The following PHKB variants were observed in gnomAD, a reference collection of about 807,000 sequenced individuals.
PHKB encodes the protein phosphorylase kinase regulatory subunit beta, also known as phosphorylase b kinase regulatory subunit beta.
Under a neutral mutation model 152.1 loss-of-function variants are expected in PHKB, and 122 were observed. That is an observed-to-expected ratio of 0.80 (90% CI 0.69 to 0.93). PHKB has a LOEUF of 0.93. Ranked by LOEUF, PHKB falls within the 40% of genes least tolerant of loss-of-function variation. PHKB has a pLI of 0.00. For synonymous variants in PHKB, 436 were observed against 464.9 expected (o/e 0.94, Z 0.80); for missense variants, 1,304 against 1,328.4 (o/e 0.98, Z 0.29).
chr16:47,640,850 A>G (rs1436417851), intron 14 of PHKB, among the ~76,000 whole-genome samples, 185 bp from the exon 15 acceptor site: 1 of 152,208 alleles, frequency 6.6e-6, no homozygotes, highest in Non-Finnish European at 1.5e-5. Context: ...TACTCTGTCT[A>G]TATCATCAAA....
In PHKB at chr16:47,566,525, C is replaced by G. The variant is rs1971570009; in HGVS notation, c.711-13770C>G. 18 of 1,602,830 alleles carry G rather than the reference C, an allele frequency of 1.1e-5. No individual in the cohort carries two copies. The Admixed American group carries it at 2.8e-4, about 25-fold the overall frequency. ...GATTGCTGGGTTCACGTGGTAAAAG[C>G]ACTGCACTGATATTTAGTCCTCTAA... On this transcript the variant is annotated intron_variant, in intron 7 of 30. Transcript: ENST00000323584.
intron 26 of PHKB, among the ~76,000 whole-genome samples, chr16:47,669,624 C>T (rs925566559): frequency 3.3e-5 from 5 of 152,092 alleles, no homozygotes; most frequent in African/African-American, 9.7e-5. Context: ...ATTTCACACC[C>T]GAGTTAGACA....
intron 6 of PHKB, among the ~76,000 whole-genome samples, chr16:47,536,022 G>T (rs918558812): frequency 6.6e-6 from 1 of 152,156 alleles, no homozygotes; most frequent in Non-Finnish European, 1.5e-5. Flanking sequence ...ATAATACACA[G>T]AATACCCTGA....
chr16:47,481,449 T>G (rs1292448177), intron 1 of PHKB, among the ~76,000 whole-genome samples: 1 of 152,222 alleles, frequency 6.6e-6, no homozygotes, highest in Non-Finnish European at 1.5e-5. Context: ...TAACTTCACA[T>G]TATTTCACTT....
At chr16:47,666,758 A>G (rs980266555) in intron 25 of PHKB, among the ~76,000 whole-genome samples, 4 of 152,292 alleles carry the variant, frequency 2.6e-5, no homozygotes, top group Non-Finnish European at 1.5e-5. Context: ...GCACTTGGTG[A>G]ATGTTGGTTG....
intron 16 of PHKB, among the ~76,000 whole-genome samples, chr16:47,646,713 G>A (rs979865399): frequency 6.6e-6 from 1 of 151,948 alleles, no homozygotes; most frequent in African/African-American, 2.4e-5. Context: ...GGCAAGGCCT[G>A]TACACAGTTA....
intron 14 of PHKB, among the ~76,000 whole-genome samples, chr16:47,632,188 A>G (rs1387995865): frequency 6.6e-6 from 1 of 152,196 alleles, no homozygotes; most frequent in African/African-American, 2.4e-5. Context: ...AGTGGTAGCA[A>G]TGCCTCTGAA....
At chr16:47,626,953 G>A (rs934042448) in intron 14 of PHKB, among the ~76,000 whole-genome samples, 1 of 152,090 alleles carries the variant, frequency 6.6e-6, no homozygotes, top group South Asian at 2.1e-4. Context: ...ACAAGCATCC[G>A]AAGGAGAAAA....
chr16:47,461,907 G>T (rs372333338), intron 1 of PHKB, among the ~76,000 whole-genome samples: 2 of 152,316 alleles, frequency 1.3e-5, no homozygotes, highest in African/African-American at 4.8e-5. Context: ...TTCCCCACAG[G>T]TTCTAAGCAG....
chr16:47,493,968 C>T (rs140909427), intron 1 of PHKB, among the ~76,000 whole-genome samples: 18 of 152,290 alleles, frequency 1.2e-4, no homozygotes, highest in African/African-American at 3.4e-4. Flanking sequence ...TTTTATAGAG[C>T]TTCACTTCCA....
intron 12 of PHKB, among the ~76,000 whole-genome samples, chr16:47,595,381 T>A (rs1350657376): frequency 6.6e-6 from 1 of 152,196 alleles, no homozygotes; most frequent in Non-Finnish European, 1.5e-5. Context: ...AAGTTTACTG[T>A]GGGCTAATAT....
In PHKB at chr16:47,515,545, CT is replaced by C; in HGVS notation, c.541del (p.Tyr181ThrfsTer5). The C allele has an allele frequency of 1.3e-6, 2 of 1,496,242 alleles. No homozygotes were observed. Among genetic ancestry groups the C allele is most frequent in the South Asian group, 1.1e-5 (1 of 88,592 alleles). 92.7% of individuals were successfully genotyped at this position (1,496,242 alleles called of 1,614,324 possible). ...GATAAATGCAGTGTCACTTTATCTC[CT>C]TTACCTTGTGGAAATGATTTCCTCA... ...LQINAVSLYL[L>X]YLVEMISSGL... On this transcript the variant is annotated frameshift_variant, in exon 6 of 31. Coordinates refer to ENST00000323584, the MANE Select transcript of PHKB (RefSeq NM_000293.3). LOFTEE classifies it high-confidence loss of function.
At chr16:47,691,957 G>T (rs1192863369) in intron 27 of PHKB, among the ~76,000 whole-genome samples, 1 of 151,824 alleles carries the variant, frequency 6.6e-6, no homozygotes, top group Non-Finnish European at 1.5e-5. Context: ...TTTTTTAATT[G>T]CCAAACAAAG....
Position 47,566,880 on chromosome 16 carries a change from T to C in PHKB, c.711-13415T>C, listed in dbSNP as rs73551209. ...AGTCTTCCCCTTCTTATTCTTCTTTTTTGCTTAGTTCTTGAAGGTCAATAA... is the reference window on the plus strand; with the variant it reads ...AGTCTTCCCCTTCTTATTCTTCTTTCTTGCTTAGTTCTTGAAGGTCAATAA... On this transcript the variant is annotated intron_variant, in intron 7 of 30. Coordinates refer to ENST00000323584, the MANE Select transcript of PHKB (RefSeq NM_000293.3). 2.3e-3 allele frequency: 1,582 copies of C among 689,478 alleles called. 20 individuals are homozygous for C. In the African/African-American group the frequency reaches 0.026, roughly 11 times the overall value. The allele number at this position is 689,478 out of a possible 1,614,324, so 42.7% of individuals were successfully genotyped here.
intron 7 of PHKB, among the ~76,000 whole-genome samples, chr16:47,573,013 A>C (rs1971688900): frequency 6.6e-6 from 1 of 152,086 alleles, no homozygotes; most frequent in Non-Finnish European, 1.5e-5. Flanking sequence ...ACCATACTGG[A>C]TGCGTACCCA....
intron 13 of PHKB, among the ~76,000 whole-genome samples, chr16:47,604,331 G>C (rs1275848750): frequency 1.3e-5 from 2 of 152,098 alleles, no homozygotes; most frequent in Non-Finnish European, 2.9e-5. Flanking sequence ...TACACACTCA[G>C]ATCTACCAGT....
chr16:47,596,454 G>T lies in PHKB; in HGVS notation c.1286G>T (p.Arg429Leu), dbSNP rs141379798. Residue 429 changes from arginine (R) to leucine (L), a missense_variant, in exon 13 of 31, where the codon CGA becomes CTA. Arg to Leu is a moderately radical substitution (Grantham distance 102, BLOSUM62 -2). Coordinates refer to ENST00000323584, the MANE Select transcript of PHKB (RefSeq NM_000293.3). ...AAAAATAACCCTGGTAGTCAAAAAC[G>T]ATTTCCTAGCAACTGTGGCCGTGAT... The part of the protein sequence containing the change: ...YEKNNPGSQK[R>L]FPSNCGRDGK... 1.2e-6 allele frequency: 2 copies of T among 1,613,672 alleles called. No individual in the cohort carries two copies. The highest frequency in any genetic ancestry group is 1.1e-5 in the South Asian group (1 of 91,070).
intron 14 of PHKB, among the ~76,000 whole-genome samples, chr16:47,616,463 T>C (rs1441325153): frequency 4.1e-5 from 6 of 146,632 alleles, no homozygotes; most frequent in Non-Finnish European, 7.5e-5. Context: ...AAAATATATA[T>C]GATATATAAT....
intron 13 of PHKB, among the ~76,000 whole-genome samples, chr16:47,603,498 ACTTTCTT>A (rs755162602): frequency 2.0e-5 from 3 of 147,212 alleles, no homozygotes; most frequent in Non-Finnish European, 4.5e-5. Flanking sequence ...TAAATAACTG[ACTTTCTT>A]TTTTTTTTTT....
Sources: gnomAD v4.1 joint callset for allele counts (sites outside exome capture counted in the v4.1 genomes callset) on GRCh38, gnomAD v4.1.1 for gene constraint, MANE v1.5 for transcripts, NCBI Gene and HGNC (gene_info 2026-07-23, HGNC 2026-07-21) for gene names.